Variants in TTLL5 observed in about 807,000 individuals in gnomAD.
TTLL5 encodes the protein tubulin tyrosine ligase like 5.
A neutral mutation model predicts 168.4 loss-of-function variants in TTLL5; 132 were observed. The observed-to-expected ratio is 0.78, with a 90% confidence interval of 0.68 to 0.91. The LOEUF (loss-of-function observed/expected upper bound fraction) is 0.91, where lower values mean the gene tolerates loss of function less well. Among genes scored for constraint, TTLL5 ranks in the 40% least tolerant of loss-of-function variants. The pLI, the probability that TTLL5 is intolerant of heterozygous loss-of-function variation, is 0.00. For synonymous variants in TTLL5, 546 were observed against 558.6 expected (o/e 0.98, Z 0.32); for missense variants, 1,545 against 1,581.5 (o/e 0.98, Z 0.39).
intron 31 of TTLL5, among the ~76,000 whole-genome samples, chr14:75,937,062 A>G (rs1178477373): frequency 6.6e-6 from 1 of 152,198 alleles, no homozygotes; most frequent in African/African-American, 2.4e-5. Context: ...GGTGAAATAT[A>G]TGTAACATAA....
At chr14:75,766,885 C>G (rs147802847) in intron 20 of TTLL5, among the ~76,000 whole-genome samples, 92 of 152,184 alleles carry the variant, frequency 6.0e-4, no homozygotes, top group Non-Finnish European at 1.2e-3. Flanking sequence ...TAGAGGTGGC[C>G]AAGCTCAGTG....
chr14:75,810,431 G>C (rs1893924808), intron 27 of TTLL5, among the ~76,000 whole-genome samples: 1 of 152,076 alleles, frequency 6.6e-6, no homozygotes, highest in East Asian at 1.9e-4. Context: ...ACAGTGGTGT[G>C]ATTATGGTTC....
Position 75,783,236 on chromosome 14 carries a change from A to G in TTLL5, c.2692A>G (p.Thr898Ala), listed in dbSNP as rs781502734. The G allele has an allele frequency of 5.6e-6, 9 of 1,614,050 alleles. No homozygotes were observed. The highest frequency in any genetic ancestry group is 7.6e-6 in the Non-Finnish European group (9 of 1,179,982). The change falls in exon 26 of 32, where the codon ACC (threonine) becomes GCC (alanine). Residue 898 changes from threonine to alanine, a missense_variant. By Grantham distance (58) the Thr-to-Ala change is moderately conservative. Transcript: ENST00000298832. Reference sequence around the variant, plus strand: ...TGCTACTCTGCAGAAAATTCCCAACACCCATTTGTCATCTGTTACAACCTC... The same window carrying G: ...TGCTACTCTGCAGAAAATTCCCAACGCCCATTTGTCATCTGTTACAACCTC... ...PTATLQKIPN[T>A]HLSSVTTSDL...
intron 29 of TTLL5, among the ~76,000 whole-genome samples, chr14:75,870,797 G>GTTT (rs551516323): frequency 5.7e-4 from 79 of 138,980 alleles, no homozygotes; most frequent in African/African-American, 2.0e-3. Flanking sequence ...GCTTGCTTTG[G>GTTT]TTTTTTTTTT....
rs867392955 is a variant in TTLL5, at chr14:75,775,571, C to G, written c.2224C>G (p.Leu742Val). The G allele has an allele frequency of 6.2e-7, 1 of 1,614,016 alleles. No homozygotes were observed. The highest frequency in any genetic ancestry group is 8.5e-7 in the Non-Finnish European group (1 of 1,180,014). Residue 742 changes from leucine (L) to valine (V), a missense_variant, in exon 22 of 32, where the codon CTG becomes GTG. By Grantham distance (32) the Leu-to-Val change is conservative. Transcript: ENST00000298832. The part of the protein sequence containing the change: ...MVLPSRRLAL[L>V]ERRRILAHQL... ...ATTACCCAGTCGACGATTGGCACTT[C>G]TGGAACGCAGAAGAATCCTGGCCCA...
At position 75,677,953 on chromosome 14, in the gene TTLL5, T is replaced by C. The variant is rs918873195; in HGVS notation, c.182-3592T>C. On this transcript the variant is annotated intron_variant, in intron 3 of 31. Coordinates refer to ENST00000298832, the MANE Select transcript of TTLL5 (RefSeq NM_015072.5). ...AGACTTGTTATTATTCCCCCTTGTC[T>C]CTTATTCCCCATGTAACTGTTCTCT... 1.3e-4 allele frequency among the ~76,000 whole-genome samples: 20 copies of C among 152,042 alleles called. 1 individual carries two copies. The highest frequency in any genetic ancestry group is 1.2e-3 in the Admixed American group (19 of 15,260).
At chr14:75,878,274 G>A (rs1566642350) in intron 29 of TTLL5, among the ~76,000 whole-genome samples, 2 of 152,118 alleles carry the variant, frequency 1.3e-5, no homozygotes, top group African/African-American at 4.8e-5. Flanking sequence ...AGTTAAAAGG[G>A]TTTTTTTCCC....
intron 28 of TTLL5, among the ~76,000 whole-genome samples, chr14:75,828,857 G>C (rs75338697): frequency 0.018 from 2,675 of 152,300 alleles, 89 homozygotes; most frequent in African/African-American, 0.061. Context: ...GAAACTGGTA[G>C]TAAGTAATGT....
At chr14:75,783,714 A>G (rs1892197508) in intron 26 of TTLL5, among the ~76,000 whole-genome samples, 184 bp downstream of exon 26, 2 of 152,226 alleles carry the variant, frequency 1.3e-5, no homozygotes, top group South Asian at 4.1e-4. Flanking sequence ...CTTCATTGAC[A>G]CAAAGGGAAA....
At chr14:75,858,465 G>A (rs1376744974) in intron 28 of TTLL5, among the ~76,000 whole-genome samples, 1 of 152,176 alleles carries the variant, frequency 6.6e-6, no homozygotes, top group Non-Finnish European at 1.5e-5. Context: ...TACACATAAA[G>A]CAATTCGGCT....
At chr14:75,758,277 T>C (rs1184959184) in intron 18 of TTLL5, among the ~76,000 whole-genome samples, 4 of 152,188 alleles carry the variant, frequency 2.6e-5, no homozygotes, top group African/African-American at 4.8e-5. Flanking sequence ...AAAACACCTG[T>C]GGACTTTCAT....
intron 22 of TTLL5, 54 bp downstream of exon 22, chr14:75,775,684 CA>C (rs1891677459): frequency 6.3e-7 from 1 of 1,595,696 alleles, no homozygotes; most frequent in Non-Finnish European, 8.6e-7. Flanking sequence ...CTGTCAGAAA[CA>C]GACTAGATAG....
At chr14:75,869,856 G>A (rs1186748454) in intron 29 of TTLL5, among the ~76,000 whole-genome samples, 1 of 112,384 alleles carries the variant, frequency 8.9e-6, no homozygotes, top group Non-Finnish European at 1.7e-5. Context: ...GTCTCACTCT[G>A]TTGACCAGTC....
intron 28 of TTLL5, among the ~76,000 whole-genome samples, chr14:75,848,642 G>A (rs1896684565): frequency 6.6e-6 from 1 of 152,186 alleles, no homozygotes; most frequent in Non-Finnish European, 1.5e-5. Context: ...TAGGCTTCAT[G>A]TGGTATGCTG....
intron 27 of TTLL5, among the ~76,000 whole-genome samples, chr14:75,806,436 T>G (rs1054408448): frequency 6.6e-6 from 1 of 152,228 alleles, no homozygotes; most frequent in Non-Finnish European, 1.5e-5. Flanking sequence ...CTGTTAAATG[T>G]GATTCAAAGC....
rs371311401 is a variant in TTLL5, at chr14:75,930,938, C to T, written c.3824-23486C>T. On this transcript the variant is annotated intron_variant, in intron 31 of 31. Coordinates refer to ENST00000298832, the MANE Select transcript of TTLL5 (RefSeq NM_015072.5). ...TTTTGGGAATGTTGGCTTTCCCTTT[C>T]TACCGCTCTAGCTGTTCCTTCTTCC... Among the ~76,000 whole-genome samples the T allele has an allele frequency of 3.5e-4, 54 of 152,306 alleles. 2 individuals are homozygous for T. In the East Asian group the frequency reaches 5.2e-3, roughly 15 times the overall value.
intron 30 of TTLL5, among the ~76,000 whole-genome samples, chr14:75,884,146 C>T (rs1035286429): frequency 2.6e-5 from 4 of 152,230 alleles, no homozygotes; most frequent in South Asian, 2.1e-4. Context: ...GAGTAAGGCC[C>T]GGCCCAGGTA....
chr14:75,736,575 A>G (rs1377748257), intron 15 of TTLL5, among the ~76,000 whole-genome samples: 1 of 152,220 alleles, frequency 6.6e-6, no homozygotes, highest in African/African-American at 2.4e-5. Flanking sequence ...GCTAATTACT[A>G]TCAGGCATAA....
chr14:75,929,804 C>G (rs1182988041), intron 31 of TTLL5, among the ~76,000 whole-genome samples: 1 of 152,098 alleles, frequency 6.6e-6, no homozygotes, highest in Non-Finnish European at 1.5e-5. Flanking sequence ...GACCTGGAAC[C>G]ATTTTTCCTA....
Sources: allele counts gnomAD v4.1 joint callset (sites outside exome capture counted in the v4.1 genomes callset), GRCh38; gene constraint gnomAD v4.1.1; transcripts MANE v1.5; gene names NCBI Gene and HGNC (gene_info 2026-07-23, HGNC 2026-07-21).